Variants in DCX observed in about 807,000 individuals in gnomAD.
The protein encoded by DCX is neuronal migration protein doublecortin.
Under a neutral mutation model 20.9 loss-of-function variants are expected in DCX, and 4 were observed. That is an observed-to-expected ratio of 0.19 (90% CI 0.09 to 0.44). DCX has a LOEUF of 0.44. Among genes scored for constraint, DCX ranks in the 20% least tolerant of loss-of-function variants. DCX has a pLI of 0.99. For synonymous variants in DCX, 103 were observed against 111.4 expected (o/e 0.92, Z 0.47); for missense variants, 133 against 296.9 (o/e 0.45, Z 4.06).
At position 111,294,649 on chromosome X, in the gene DCX, AAT is replaced by A. The variant is rs1367721562; in HGVS notation, c.*7036_*7037del. On this transcript the variant is annotated 3_prime_UTR_variant, in exon 7 of 7. Coordinates refer to ENST00000636035, the MANE Select transcript of DCX (RefSeq NM_001195553.2). ...ACTTGGCAAGAGTTATTGGGCCTCA[AAT>A]CAGATATTTACAACTGTAAGACAAC... The A allele has an allele frequency of 1.8e-5, 2 of 112,067 alleles. No individual in the cohort carries two copies. Among genetic ancestry groups the A allele is most frequent in the Non-Finnish European group, 3.8e-5 (2 of 53,214 alleles). 9.2% of individuals were successfully genotyped at this position (112,067 alleles called of 1,213,427 possible).
Position 111,294,930 on chromosome X carries a change from C to A in DCX, c.*6757G>T, listed in dbSNP as rs945883263. 8.9e-6 allele frequency: 1 copy of A among 112,138 alleles called. No homozygotes were observed. The highest frequency in any genetic ancestry group is 1.9e-5 in the Non-Finnish European group (1 of 53,183). 9.2% of individuals were successfully genotyped at this position (112,138 alleles called of 1,213,427 possible). On this transcript the variant is annotated 3_prime_UTR_variant, in exon 7 of 7. Coordinates refer to ENST00000636035, the MANE Select transcript of DCX (RefSeq NM_001195553.2). ...GGCTGTTTCCATTTTAAACTTTCTCCCTTTGAAAATGGCCATAAAAACATT... is the reference window on the plus strand; with the variant it reads ...GGCTGTTTCCATTTTAAACTTTCTCACTTTGAAAATGGCCATAAAAACATT...
At chrX:111,331,084 G>A (rs1422460323) in intron 4 of DCX, 43 bp from the exon 5 acceptor site, 3 of 1,198,626 alleles carry the variant, frequency 2.5e-6, no homozygotes, top group East Asian at 3.0e-5. Context: ...GGATAAAACA[G>A]GCTCAGCATG....
At chrX:111,359,377 C>A (rs931601465) in intron 3 of DCX, among the ~76,000 whole-genome samples, 1 of 111,536 alleles carries the variant, frequency 9.0e-6, no homozygotes, top group Non-Finnish European at 1.9e-5. Flanking sequence ...TACCCCCCAA[C>A]TCTCACCAAA....
intron 3 of DCX, among the ~76,000 whole-genome samples, chrX:111,357,315 C>T (rs1453847938): frequency 9.0e-6 from 1 of 111,631 alleles, no homozygotes; most frequent in Non-Finnish European, 1.9e-5. Context: ...TCACACTGTC[C>T]CCTGAAGAAC....
At chrX:111,304,937 C>T (rs1490966630) in intron 6 of DCX, among the ~76,000 whole-genome samples, 5 of 111,547 alleles carry the variant, frequency 4.5e-5, no homozygotes, top group Non-Finnish European at 9.4e-5. Context: ...CCTGTGCAAG[C>T]GGCAAGAGAA....
chrX:111,411,598 C>G (rs1032622053), intron 1 of DCX: 1 of 113,167 alleles, frequency 8.8e-6, no homozygotes, highest in Non-Finnish European at 1.8e-5. Context: ...TAGTGACATC[C>G]TACGAGCCAA....
At chrX:111,325,580 T>C (rs2095097903) in intron 5 of DCX, among the ~76,000 whole-genome samples, 1 of 112,339 alleles carries the variant, frequency 8.9e-6, no homozygotes, top group African/African-American at 3.2e-5. Flanking sequence ...GTAAAAAGAT[T>C]GTTATCATGA....
At chrX:111,366,216 A>C (rs1924622595) in intron 3 of DCX, among the ~76,000 whole-genome samples, 1 of 111,396 alleles carries the variant, frequency 9.0e-6, no homozygotes, top group South Asian at 3.8e-4. Context: ...GCTTTCTGAC[A>C]CCTCTTTTCC....
chrX:111,320,736 TTTCAATC>T (rs1299202986), intron 5 of DCX, among the ~76,000 whole-genome samples: 2 of 110,231 alleles, frequency 1.8e-5, no homozygotes, highest in Non-Finnish European at 3.8e-5. Context: ...TAGGCCACCT[TTTCAATC>T]TTATCAACAA....
intron 5 of DCX, among the ~76,000 whole-genome samples, chrX:111,317,888 G>T (rs1393791466): frequency 2.7e-5 from 3 of 110,781 alleles, no homozygotes; most frequent in South Asian, 7.7e-4. Flanking sequence ...AGTCAGAATG[G>T]CTATTAATAA....
At chrX:111,385,163 T>C (rs1230381693) in intron 3 of DCX, among the ~76,000 whole-genome samples, 3 of 112,548 alleles carry the variant, frequency 2.7e-5, no homozygotes, top group Non-Finnish European at 5.6e-5. Flanking sequence ...ACAAACTGTG[T>C]GAGCCAATTT....
At chrX:111,385,838 A>AAGGG (rs1926455803) in intron 3 of DCX, among the ~76,000 whole-genome samples, 1 of 95,133 alleles carries the variant, frequency 1.1e-5, no homozygotes, top group African/African-American at 4.1e-5. Flanking sequence ...GGAAGGAAGG[A>AAGGG]AGGAAGGGAA....
chrX:111,359,510 C>A (rs1603418881), intron 3 of DCX, among the ~76,000 whole-genome samples: 1 of 111,367 alleles, frequency 9.0e-6, no homozygotes, highest in Middle Eastern at 4.6e-3. Context: ...AAACCGAAGC[C>A]ATAAAATTAA....
At chrX:111,312,933 C>T (rs1435682666) in intron 5 of DCX, among the ~76,000 whole-genome samples, 197 bp from the exon 6 acceptor site, 1 of 111,666 alleles carries the variant, frequency 9.0e-6, no homozygotes, top group Non-Finnish European at 1.9e-5. Context: ...TAATTGGATC[C>T]CTATGCAGTG....
intron 3 of DCX, among the ~76,000 whole-genome samples, chrX:111,337,779 A>G (rs1052359546): frequency 8.9e-6 from 1 of 112,315 alleles, no homozygotes; most frequent in African/African-American, 3.2e-5. Flanking sequence ...GTTCAATTCT[A>G]CTAATATTGA....
At chrX:111,337,396 A>T (rs1052225651) in intron 3 of DCX, among the ~76,000 whole-genome samples, 9 of 111,530 alleles carry the variant, frequency 8.1e-5, no homozygotes, top group Non-Finnish European at 5.7e-5. Context: ...GAAAAAAAAA[A>T]CCAGCAGGTG....
intron 3 of DCX, among the ~76,000 whole-genome samples, chrX:111,382,276 C>T (rs766818884): frequency 2.7e-5 from 3 of 111,853 alleles, no homozygotes; most frequent in African/African-American, 9.7e-5. Context: ...TTGAGACGCA[C>T]TAGAGAACAT....
At chrX:111,365,064 GTATTAT>G (rs373062214) in intron 3 of DCX, among the ~76,000 whole-genome samples, 5 of 105,803 alleles carry the variant, frequency 4.7e-5, no homozygotes, top group African/African-American at 1.7e-4. Flanking sequence ...GCTAATTTTT[GTATTAT>G]TATTATTATT....
At chrX:111,325,864 A>G (rs1165587523) in intron 5 of DCX, among the ~76,000 whole-genome samples, 4 of 112,326 alleles carry the variant, frequency 3.6e-5, no homozygotes, top group Admixed American at 2.8e-4. Flanking sequence ...ATGTAAAATC[A>G]CATACATGAT....
Sources: gnomAD v4.1 joint callset for allele counts (sites outside exome capture counted in the v4.1 genomes callset) on GRCh38, gnomAD v4.1.1 for gene constraint, MANE v1.5 for transcripts, NCBI Gene and HGNC (gene_info 2026-07-23, HGNC 2026-07-21) for gene names.